The following TFDP2 variants were observed in gnomAD, a reference collection of about 807,000 sequenced individuals.
TFDP2 encodes transcription factor Dp-2 (E2F dimerization partner 2).
Under a neutral mutation model 59.3 loss-of-function variants are expected in TFDP2, and 17 were observed. That is an observed-to-expected ratio of 0.29 (90% CI 0.20 to 0.43). The LOEUF (loss-of-function observed/expected upper bound fraction) is 0.43, where lower values mean the gene tolerates loss of function less well. TFDP2 is among the 20% of genes least tolerant of loss of function. TFDP2 has a pLI of 1.00. For missense variants in TFDP2, 391 were observed against 528.8 expected (o/e 0.74, Z 2.56); for synonymous variants, 180 against 194.7 (o/e 0.92, Z 0.63).
intron 3 of TFDP2, among the ~76,000 whole-genome samples, chr3:142,063,554 G>C (rs79953775): frequency 6.6e-6 from 1 of 152,124 alleles, no homozygotes; most frequent in African/African-American, 2.4e-5. Context: ...TTAATCAATT[G>C]TTGAAAGTTA....
intron 11 of TFDP2, among the ~76,000 whole-genome samples, chr3:141,953,818 G>C (rs1380483206): frequency 8.0e-6 from 1 of 124,880 alleles, no homozygotes; most frequent in Non-Finnish European, 1.6e-5. Flanking sequence ...ATTTTAAAAA[G>C]GTCACATGCA....
intron 3 of TFDP2, among the ~76,000 whole-genome samples, chr3:142,065,887 G>T (rs1413610340): frequency 6.6e-6 from 1 of 151,820 alleles, no homozygotes; most frequent in East Asian, 1.9e-4. Context: ...TAGATATTTT[G>T]GGGCTTAAAT....
intron 2 of TFDP2, among the ~76,000 whole-genome samples, chr3:142,096,932 A>AT (rs1171830068): frequency 6.6e-6 from 1 of 152,222 alleles, no homozygotes; most frequent in African/African-American, 2.4e-5. Context: ...TGGCAAAAAT[A>AT]TATCTATTAA....
rs921361189 is a variant in TFDP2, at chr3:142,121,789, A to G, written c.-92-19948T>C. On this transcript the variant is annotated intron_variant, in intron 1 of 12. Coordinates refer to ENST00000489671, the MANE Select transcript of TFDP2 (RefSeq NM_001178139.2). The surrounding 1 kb of genome is among the most constrained non-coding windows in gnomAD (Gnocchi z 4.3). Reference sequence around the variant, plus strand: ...TGAGGCGGACGGAACACCTGAGGTCAGGAGTTCGAGACCAGCCTGACCAAC... The same window carrying G: ...TGAGGCGGACGGAACACCTGAGGTCGGGAGTTCGAGACCAGCCTGACCAAC... Among the ~76,000 whole-genome samples, 10 of 152,232 alleles carry G rather than the reference A, an allele frequency of 6.6e-5. No homozygotes were observed. The highest frequency in any genetic ancestry group is 2.4e-4 in the African/African-American group (10 of 41,550).
At chr3:141,974,792 T>C (rs1233313278) in intron 7 of TFDP2, among the ~76,000 whole-genome samples, 2 of 152,122 alleles carry the variant, frequency 1.3e-5, no homozygotes, top group Non-Finnish European at 2.9e-5. Context: ...CCTTGACCAC[T>C]GCTGATCTGC....
chr3:142,032,246 G>A (rs1946465124), intron 3 of TFDP2, among the ~76,000 whole-genome samples: 1 of 152,072 alleles, frequency 6.6e-6, no homozygotes, highest in South Asian at 2.1e-4. Flanking sequence ...CAGGACCACA[G>A]GTGTGCACCA....
intron 11 of TFDP2, among the ~76,000 whole-genome samples, chr3:141,956,086 G>C (rs1000208934): frequency 3.9e-5 from 6 of 152,136 alleles, no homozygotes; most frequent in African/African-American, 1.2e-4. Flanking sequence ...GGGATCACAG[G>C]CGTAAGCCAC....
intron 1 of TFDP2, among the ~76,000 whole-genome samples, chr3:142,143,241 A>C (rs1460508991): frequency 6.6e-6 from 1 of 152,220 alleles, no homozygotes; most frequent in Non-Finnish European, 1.5e-5. Context: ...GTCTAAAAAA[A>C]AAAATCAAAT....
intron 3 of TFDP2, among the ~76,000 whole-genome samples, chr3:142,033,416 T>C (rs1225241390): frequency 6.6e-6 from 1 of 152,122 alleles, no homozygotes; most frequent in South Asian, 2.1e-4. Flanking sequence ...TTTTTCAACA[T>C]AGACCCAGCT....
intron 3 of TFDP2, among the ~76,000 whole-genome samples, chr3:142,018,905 T>C (rs984595989): frequency 2.7e-5 from 4 of 148,472 alleles, no homozygotes; most frequent in South Asian, 4.3e-4. Context: ...CTGAAAATTA[T>C]GTCCACCTAT....
chr3:142,018,929 G>T (rs201216456), intron 3 of TFDP2, among the ~76,000 whole-genome samples: 39 of 125,188 alleles, frequency 3.1e-4, no homozygotes, highest in East Asian at 6.9e-4. Context: ...TTTTTGGTGA[G>T]TTTTTTTTTT....
intron 3 of TFDP2, 135 bp from the exon 4 acceptor site, chr3:142,005,679 A>C (rs1944150371): frequency 3.6e-6 from 2 of 548,084 alleles, no homozygotes; most frequent in East Asian, 6.3e-5. Flanking sequence ...TATGAACAAA[A>C]TACACCTTAC....
At chr3:141,992,536 C>G (rs909728814) in intron 6 of TFDP2, among the ~76,000 whole-genome samples, 2 of 152,190 alleles carry the variant, frequency 1.3e-5, no homozygotes, top group Non-Finnish European at 2.9e-5. Context: ...TTCTGTTGCC[C>G]TTTCGAAGGA....
chr3:142,093,931 C>G lies in TFDP2; in HGVS notation c.16-804G>C. On this transcript the variant is annotated intron_variant, in intron 2 of 12. Transcript: ENST00000489671. Reference sequence around the variant, plus strand: ...CATATAGCACAGGATTTGGCACATACTGCTCAATCCATGTCAGCATACGTT... The same window carrying G: ...CATATAGCACAGGATTTGGCACATAGTGCTCAATCCATGTCAGCATACGTT... 3.9e-6 allele frequency: 2 copies of G among 509,174 alleles called. 1 individual carries two copies. The highest frequency in any genetic ancestry group is 2.9e-5 in the South Asian group (2 of 69,538). 31.5% of individuals were successfully genotyped at this position (509,174 alleles called of 1,614,324 possible). A position where few individuals can be genotyped will look rare whatever the true frequency, so the allele number is the denominator to read the frequency against.
intron 3 of TFDP2, among the ~76,000 whole-genome samples, chr3:142,021,097 G>A (rs1306420607): frequency 6.6e-6 from 1 of 152,014 alleles, no homozygotes; most frequent in Non-Finnish European, 1.5e-5. Flanking sequence ...AACCATGTTC[G>A]CCAAAAGTCA....
At position 142,017,469 on chromosome 3, in the gene TFDP2, A is replaced by G. The variant is rs184950964; in HGVS notation, c.83-11925T>C. Among the ~76,000 whole-genome samples, 4 of 151,912 alleles carry G rather than the reference A, an allele frequency of 2.6e-5. No individual in the cohort carries two copies. The East Asian group carries it at 7.8e-4, about 29-fold the overall frequency. On this transcript the variant is annotated intron_variant, in intron 3 of 12. Coordinates refer to ENST00000489671, the MANE Select transcript of TFDP2 (RefSeq NM_001178139.2). ...TCACCACCAAAATATTCCCTTCCTTAGTGACAGCTGTGGTGCCAGTTTGTA... is the reference window on the plus strand; with the variant it reads ...TCACCACCAAAATATTCCCTTCCTTGGTGACAGCTGTGGTGCCAGTTTGTA...
chr3:142,092,359 T>C (rs1481619632), intron 3 of TFDP2, among the ~76,000 whole-genome samples: 2 of 152,140 alleles, frequency 1.3e-5, no homozygotes, highest in Admixed American at 6.5e-5. Flanking sequence ...CAAGGTCTCA[T>C]TCTGTCACCC....
chr3:142,028,827 G>A, intron 3 of TFDP2: 1 of 452,546 alleles, frequency 2.2e-6, no homozygotes, highest in Non-Finnish European at 2.9e-6. Flanking sequence ...GCAGGTCTTA[G>A]ATGAAGGGGC....
chr3:142,071,626 G>A (rs1446823609), intron 3 of TFDP2, among the ~76,000 whole-genome samples: 1 of 152,178 alleles, frequency 6.6e-6, no homozygotes, highest in African/African-American at 2.4e-5. Context: ...CCAGGAAATG[G>A]TTTATAGTAG....
Sources: gnomAD v4.1 joint callset for allele counts (sites outside exome capture counted in the v4.1 genomes callset) on GRCh38, gnomAD v4.1.1 for gene constraint, Gnocchi (gnomAD v3.1) non-coding constraint, MANE v1.5 for transcripts, NCBI Gene and HGNC (gene_info 2026-07-23, HGNC 2026-07-21) for gene names.